KIDINS220: variants seen among roughly 807,000 people sequenced by gnomAD.
KIDINS220 encodes kinase D interacting substrate 220, also known as kinase D-interacting substrate of 220 kDa.
In KIDINS220, 63 loss-of-function variants were observed where a neutral mutation model predicts 157.6. The ratio of observed to expected loss-of-function variants is 0.40; its 90% CI spans 0.33 to 0.49. The LOEUF is 0.49. KIDINS220 is among the 20% of genes least tolerant of loss of function. The pLI, the probability that KIDINS220 is intolerant of heterozygous loss-of-function variation, is 0.66. For missense variants in KIDINS220, 1,772 were observed against 2,171.2 expected, an observed-to-expected ratio of 0.82 and a Z score of 3.65; for synonymous variants, 732 against 783.6, an observed-to-expected ratio of 0.93 and a Z score of 1.10.
intron 2 of KIDINS220, among the ~76,000 whole-genome samples, chr2:8,823,640 T>C (rs568836797): frequency 4.6e-5 from 7 of 152,300 alleles, no homozygotes; most frequent in Admixed American, 4.6e-4. Flanking sequence ...ATAAGATTAA[T>C]TTTACGCTTA....
At chr2:8,775,062 T>A (rs1670782167) in intron 21 of KIDINS220, among the ~76,000 whole-genome samples, 1 of 152,180 alleles carries the variant, frequency 6.6e-6, no homozygotes, top group South Asian at 2.1e-4. Context: ...CAGAATTTAC[T>A]AGTAGATTGG....
chr2:8,738,316 T>G (rs1163587976), intron 26 of KIDINS220, among the ~76,000 whole-genome samples: 2 of 152,164 alleles, frequency 1.3e-5, no homozygotes, highest in African/African-American at 2.4e-5. Flanking sequence ...GCACACATGA[T>G]CCACAGACGG....
intron 11 of KIDINS220, among the ~76,000 whole-genome samples, chr2:8,795,968 A>G (rs1673853417): frequency 6.6e-6 from 1 of 152,212 alleles, no homozygotes; most frequent in South Asian, 2.1e-4. Context: ...CTTTGATATG[A>G]CATGTTAACA....
At chr2:8,744,325 G>C (rs1234827504) in intron 26 of KIDINS220, among the ~76,000 whole-genome samples, 1 of 112,424 alleles carries the variant, frequency 8.9e-6, no homozygotes, top group African/African-American at 3.5e-5. Context: ...TTTTTATAAG[G>C]ATCTAATTTA....
chr2:8,806,906 C>T (rs1675529924), intron 6 of KIDINS220, among the ~76,000 whole-genome samples: 1 of 152,152 alleles, frequency 6.6e-6, no homozygotes. Context: ...TAATGAGTGA[C>T]AATGTTTCCA....
At chr2:8,803,560 C>T (rs1264350138) in intron 7 of KIDINS220, among the ~76,000 whole-genome samples, 2 of 151,932 alleles carry the variant, frequency 1.3e-5, no homozygotes, top group East Asian at 3.8e-4. Context: ...TAATAAAACC[C>T]ATAAAAAACA....
intron 26 of KIDINS220, among the ~76,000 whole-genome samples, chr2:8,738,546 T>C (rs527767804): frequency 3.3e-5 from 5 of 152,322 alleles, no homozygotes; most frequent in East Asian, 1.9e-4. Flanking sequence ...GGGAAGGGCA[T>C]AGCATCACTC....
At chr2:8,746,153 A>G (rs1666532448) in intron 26 of KIDINS220, among the ~76,000 whole-genome samples, 1 of 148,412 alleles carries the variant, frequency 6.7e-6, no homozygotes, top group African/African-American at 2.5e-5. Flanking sequence ...CCGAGGCTGG[A>G]GTGCAGCGGT....
intron 17 of KIDINS220, among the ~76,000 whole-genome samples, chr2:8,782,231 A>G (rs1024596120): frequency 6.6e-6 from 1 of 152,118 alleles, no homozygotes; most frequent in Non-Finnish European, 1.5e-5. Flanking sequence ...ATAAAAACTA[A>G]AACAGAAATA....
At chr2:8,746,886 C>T (rs536572256) in intron 26 of KIDINS220, 2 of 423,212 alleles carry the variant, frequency 4.7e-6, no homozygotes, top group African/African-American at 4.0e-5. Flanking sequence ...AAAGCCCTTC[C>T]TTATTGAAGA....
intron 2 of KIDINS220, among the ~76,000 whole-genome samples, chr2:8,824,006 T>C (rs1357792797): frequency 1.3e-5 from 2 of 151,962 alleles, no homozygotes; most frequent in Admixed American, 6.6e-5. Flanking sequence ...ACACAGATTA[T>C]AATTTGTTTA....
intron 6 of KIDINS220, among the ~76,000 whole-genome samples, chr2:8,808,672 C>T (rs957787143): frequency 6.6e-6 from 1 of 152,218 alleles, no homozygotes. Flanking sequence ...CAATCTAATC[C>T]CTTTATGTGT....
At chr2:8,755,903 G>A (rs997964560) in intron 22 of KIDINS220, among the ~76,000 whole-genome samples, 5 of 152,192 alleles carry the variant, frequency 3.3e-5, no homozygotes, top group Admixed American at 2.6e-4. Flanking sequence ...GTCTGAAATT[G>A]AGAGGTGTCA....
chr2:8,741,219 G>C (rs143305301), intron 26 of KIDINS220, among the ~76,000 whole-genome samples: 31 of 152,252 alleles, frequency 2.0e-4, no homozygotes, highest in African/African-American at 7.2e-4. Context: ...AGAAATACTA[G>C]GTCAAAGCTG....
At chr2:8,732,083 G>A in intron 29 of KIDINS220, 101 bp from the exon 30 acceptor site, 1 of 1,020,840 alleles carries the variant, frequency 9.8e-7, no homozygotes, top group Non-Finnish European at 1.3e-6. Flanking sequence ...CATTTAAAAA[G>A]TCATCAAAAC....
rs909548883 is a variant in KIDINS220, at chr2:8,748,111, GACAAA to G, written c.3415-116_3415-112del. The G allele has an allele frequency of 6.6e-5, 33 of 498,494 alleles. No individual in the cohort carries two copies. The Admixed American group carries it at 8.2e-4, about 12-fold the overall frequency. The allele number at this position is 498,494 out of a possible 1,614,324, so 30.9% of individuals were successfully genotyped here. ...ACAACTCCAAAACTTTAATGCAAATGACAAAACAAAAGAAAAAAAAGCCTCACTCA... is the reference window on the plus strand; with the variant it reads ...ACAACTCCAAAACTTTAATGCAAATGACAAAAGAAAAAAAAGCCTCACTCA... On this transcript the variant is annotated intron_variant, in intron 24 of 29. Transcript: ENST00000256707.
downstream of KIDINS220, among the ~76,000 whole-genome samples, chr2:8,726,016 G>A (rs997023698): frequency 6.6e-6 from 1 of 152,158 alleles, no homozygotes; most frequent in Admixed American, 6.5e-5. Flanking sequence ...AGAATATTTC[G>A]TGTGCTTTGA....
chr2:8,796,919 G>T, intron 10 of KIDINS220, 50 bp from the exon 11 acceptor site: 1 of 1,283,234 alleles, frequency 7.8e-7, no homozygotes, highest in Non-Finnish European at 1.1e-6. Flanking sequence ...TGACTCCTGT[G>T]TTTATGTCAT....
intron 22 of KIDINS220, among the ~76,000 whole-genome samples, chr2:8,765,106 A>G (rs1311762032): frequency 6.6e-6 from 1 of 152,168 alleles, no homozygotes; most frequent in African/African-American, 2.4e-5. Context: ...GCCAAAGAGA[A>G]GAGCACATGA....
Sources: allele counts gnomAD v4.1 joint callset (sites outside exome capture counted in the v4.1 genomes callset), GRCh38; gene constraint gnomAD v4.1.1; transcripts MANE v1.5; gene names NCBI Gene and HGNC (gene_info 2026-07-23, HGNC 2026-07-21).